SULF1: variants seen among roughly 807,000 people sequenced by gnomAD.
SULF1 encodes sulfatase 1.
SULF1 carries 46 observed loss-of-function variants against 110.5 expected under a neutral mutation model. The ratio of observed to expected loss-of-function variants is 0.42; its 90% CI spans 0.33 to 0.53. SULF1 has a LOEUF of 0.53. Among genes scored for constraint, SULF1 ranks in the 20% least tolerant of loss-of-function variants. SULF1 has a pLI of 0.12. For synonymous variants in SULF1, 371 were observed against 387.1 expected, an observed-to-expected ratio of 0.96 and a Z score of 0.49; for missense variants, 941 against 1,094.2, an observed-to-expected ratio of 0.86 and a Z score of 1.98.
intron 12 of SULF1, 29 bp from the exon 13 acceptor site, chr8:69,604,774 T>C (rs2130423175): frequency 3.1e-6 from 5 of 1,612,552 alleles, no homozygotes; most frequent in South Asian, 2.2e-5. Flanking sequence ...TCACTTCTCA[T>C]GTACGAAGCT....
At chr8:69,571,329 C>T (rs1381658242) in intron 5 of SULF1, among the ~76,000 whole-genome samples, 1 of 152,196 alleles carries the variant, frequency 6.6e-6, no homozygotes, top group African/African-American at 2.4e-5. Flanking sequence ...CAGCAACAAC[C>T]TTGTAAACTA....
chr8:69,545,625 ACT>A (rs1216548271), intron 3 of SULF1, among the ~76,000 whole-genome samples: 1 of 149,326 alleles, frequency 6.7e-6, no homozygotes, highest in Non-Finnish European at 1.5e-5. Context: ...GGACACCCAC[ACT>A]CTTTTATTTC....
chr8:69,606,156 TA>T (rs1808208368), intron 13 of SULF1, among the ~76,000 whole-genome samples: 1 of 152,352 alleles, frequency 6.6e-6, no homozygotes, highest in East Asian at 1.9e-4. Flanking sequence ...ACATTCCTAA[TA>T]AACAACTTGA....
chr8:69,623,812 C>A, intron 14 of SULF1, 130 bp from the exon 15 acceptor site: 1 of 1,081,920 alleles, frequency 9.2e-7, no homozygotes, highest in Non-Finnish European at 1.3e-6. Context: ...GCAGGCACCA[C>A]GATGCCACTC....
intron 7 of SULF1, among the ~76,000 whole-genome samples, chr8:69,587,907 G>C (rs1287747062): frequency 1.3e-5 from 2 of 152,182 alleles, no homozygotes; most frequent in Non-Finnish European, 2.9e-5. Flanking sequence ...GTGAGGAAAA[G>C]AATGAAACAG....
chr8:69,543,920 C>T (rs1381236919), intron 3 of SULF1, among the ~76,000 whole-genome samples: 2 of 152,202 alleles, frequency 1.3e-5, no homozygotes, highest in Non-Finnish European at 2.9e-5. Flanking sequence ...CTGTGAGTGG[C>T]CTCATCTGCT....
chr8:69,654,523 T>G (rs1017092343), intron 22 of SULF1, among the ~76,000 whole-genome samples: 1 of 152,222 alleles, frequency 6.6e-6, no homozygotes, highest in Non-Finnish European at 1.5e-5. Context: ...TATCAGGCCC[T>G]TAGGAATTCT....
chr8:69,470,645 C>G (rs998070809), intron 1 of SULF1, among the ~76,000 whole-genome samples: 2 of 152,158 alleles, frequency 1.3e-5, no homozygotes, highest in Admixed American at 1.3e-4. Context: ...GCCTCCATTT[C>G]CCTCTTCTGT....
At chr8:69,524,880 C>G (rs1468523025) in intron 3 of SULF1, among the ~76,000 whole-genome samples, 1 of 152,112 alleles carries the variant, frequency 6.6e-6, no homozygotes, top group Non-Finnish European at 1.5e-5. Context: ...ATCCAATTTA[C>G]ACGTAGATGG....
At chr8:69,486,520 T>C (rs1809719807) in intron 1 of SULF1, among the ~76,000 whole-genome samples, 1 of 152,192 alleles carries the variant, frequency 6.6e-6, no homozygotes, top group Non-Finnish European at 1.5e-5. Context: ...TTTCCTACGC[T>C]GGTAAAGTGC....
At chr8:69,556,173 T>C (rs1158155806) in intron 3 of SULF1, among the ~76,000 whole-genome samples, 1 of 152,144 alleles carries the variant, frequency 6.6e-6, no homozygotes, top group Admixed American at 6.6e-5. Context: ...TATGTGCATG[T>C]AGAGAAAGAG....
At chr8:69,588,222 C>A (rs1049990943) in intron 7 of SULF1, among the ~76,000 whole-genome samples, 3 of 152,192 alleles carry the variant, frequency 2.0e-5, no homozygotes, top group Admixed American at 6.5e-5. Flanking sequence ...CATCAGCCCC[C>A]CCTGACTGTG....
intron 3 of SULF1, among the ~76,000 whole-genome samples, chr8:69,562,213 T>C (rs543778734): frequency 1.6e-4 from 24 of 152,306 alleles, no homozygotes; most frequent in Non-Finnish European, 2.6e-4. Context: ...GCTCATAAAG[T>C]TTAAAATAAT....
chr8:69,592,904 C>G (rs78901911), intron 8 of SULF1: 11,894 of 987,064 alleles, frequency 0.012, 70 homozygotes, highest in Non-Finnish European at 0.013. Flanking sequence ...CCTCTCACAC[C>G]TGGCCATTCC....
intron 6 of SULF1, among the ~76,000 whole-genome samples, chr8:69,580,225 G>A (rs1004191719): frequency 3.3e-5 from 5 of 152,078 alleles, no homozygotes; most frequent in Non-Finnish European, 5.9e-5. Flanking sequence ...GTAACATGTC[G>A]ACTGCACTTC....
At chr8:69,640,404 C>T (rs1011679140) in intron 21 of SULF1, among the ~76,000 whole-genome samples, 20 of 152,262 alleles carry the variant, frequency 1.3e-4, no homozygotes, top group African/African-American at 4.3e-4. Context: ...CACTTCAAGC[C>T]GTCCTCTCCA....
At chr8:69,639,733 G>A (rs12155545) in intron 21 of SULF1, among the ~76,000 whole-genome samples, 1 of 152,164 alleles carries the variant, frequency 6.6e-6, no homozygotes, top group South Asian at 2.1e-4. Flanking sequence ...TGTGAGTCTG[G>A]TGCAGAGCCA....
intron 14 of SULF1, among the ~76,000 whole-genome samples, chr8:69,621,895 G>A (rs945683990): frequency 6.6e-6 from 1 of 152,180 alleles, no homozygotes; most frequent in African/African-American, 2.4e-5. Flanking sequence ...AATGAATCTA[G>A]TACCACCTAG....
intron 5 of SULF1, among the ~76,000 whole-genome samples, chr8:69,573,001 A>G (rs1389162378): frequency 1.3e-5 from 2 of 151,996 alleles, no homozygotes; most frequent in Non-Finnish European, 2.9e-5. Context: ...TAAGTTTTGT[A>G]TTTTCAGTAG....
Sources: allele counts gnomAD v4.1 joint callset (sites outside exome capture counted in the v4.1 genomes callset), GRCh38; gene constraint gnomAD v4.1.1; transcripts MANE v1.5; gene names NCBI Gene and HGNC (gene_info 2026-07-23, HGNC 2026-07-21).